Variants in PDCD6IP observed in about 807,000 individuals in gnomAD.
The protein encoded by PDCD6IP is programmed cell death 6 interacting protein.
PDCD6IP carries 43 observed loss-of-function variants against 103.7 expected under a neutral mutation model. That is an observed-to-expected ratio of 0.41 (90% CI 0.32 to 0.53). The LOEUF is 0.53. Ranked by LOEUF, PDCD6IP falls within the 20% of genes least tolerant of loss-of-function variation. The probability of loss-of-function intolerance (pLI) is 0.16; values close to 1 mark genes in which losing one functional copy is unlikely to be tolerated. For synonymous variants in PDCD6IP, 354 were observed against 378.7 expected (o/e 0.93, Z 0.76); for missense variants, 871 against 1,036.7 (o/e 0.84, Z 2.20).
At chr3:33,799,878 T>C (rs1178986921) in intron 1 of PDCD6IP, among the ~76,000 whole-genome samples, 1 of 151,936 alleles carries the variant, frequency 6.6e-6, no homozygotes, top group Non-Finnish European at 1.5e-5. Context: ...CCCAGCACTT[T>C]GGGAGGCCGA....
At chr3:33,863,174 CAT>C (rs752978725) in intron 15 of PDCD6IP, among the ~76,000 whole-genome samples, 27 of 152,050 alleles carry the variant, frequency 1.8e-4, no homozygotes, top group Middle Eastern at 3.2e-3. Context: ...ATATTCATCA[CAT>C]ATTTGTGGGG....
rs1247614149 is a variant in PDCD6IP at position 33,869,536 on chromosome 3, A to G, written c.*3011A>G. ...TGGTATGAAGTTTATATTTTTTAAA[A>G]AAATCCTATATTATCACACCAGAGA... On this transcript the variant is annotated 3_prime_UTR_variant, in exon 18 of 18. Coordinates refer to ENST00000307296, the MANE Select transcript of PDCD6IP (RefSeq NM_013374.6). 1 of 152,234 alleles carries G rather than the reference A, an allele frequency of 6.6e-6. No homozygotes were observed. Among genetic ancestry groups the G allele is most frequent in the Non-Finnish European group, 1.5e-5 (1 of 68,046 alleles). The allele number at this position is 152,234 out of a possible 1,614,324, so 9.4% of individuals were successfully genotyped here.
chr3:33,824,785 A>G (rs533059674), intron 4 of PDCD6IP, among the ~76,000 whole-genome samples: 12 of 152,188 alleles, frequency 7.9e-5, no homozygotes, highest in Non-Finnish European at 1.3e-4. Flanking sequence ...GGTGTCCCCT[A>G]ACTACGGCAT....
At chr3:33,845,717 T>C (rs1308152507) in intron 12 of PDCD6IP, 129 bp downstream of exon 12, 1 of 648,084 alleles carries the variant, frequency 1.5e-6, no homozygotes, top group African/African-American at 1.8e-5. Flanking sequence ...GGGGTTGTTA[T>C]ATTTAAAGTA....
At chr3:33,815,788 T>C (rs549503252) in intron 3 of PDCD6IP, among the ~76,000 whole-genome samples, 34 of 152,362 alleles carry the variant, frequency 2.2e-4, no homozygotes, top group Admixed American at 2.0e-4. Context: ...TTCTGTGTTA[T>C]GTCTGGGTAG....
chr3:33,812,036 A>G, intron 1 of PDCD6IP, 36 bp from the exon 2 acceptor site: 2 of 1,569,774 alleles, frequency 1.3e-6, no homozygotes, highest in Non-Finnish European at 1.7e-6. Context: ...TGTAATATTT[A>G]GCTCTGGTAA....
intron 4 of PDCD6IP, among the ~76,000 whole-genome samples, chr3:33,822,742 G>A (rs557872305): frequency 5.9e-5 from 9 of 152,190 alleles, no homozygotes; most frequent in African/African-American, 2.2e-4. Context: ...TGCAAGCTCC[G>A]CCTCCTGGGT....
At chr3:33,865,144 G>A in intron 16 of PDCD6IP, 99 bp from the exon 17 acceptor site, 5 of 712,806 alleles carry the variant, frequency 7.0e-6, no homozygotes, top group Non-Finnish European at 1.1e-5. Context: ...ATATTTGGTT[G>A]GATTCTAGAG....
At chr3:33,866,324 C>G (rs1698063254) in intron 17 of PDCD6IP, 27 bp from the exon 18 acceptor site, 1 of 1,366,492 alleles carries the variant, frequency 7.3e-7, no homozygotes, top group South Asian at 1.6e-5. Flanking sequence ...ATTTACCAAT[C>G]AAGATTTTTC....
intron 15 of PDCD6IP, among the ~76,000 whole-genome samples, chr3:33,861,931 T>TG (rs1253745036): frequency 6.6e-6 from 1 of 152,206 alleles, no homozygotes; most frequent in Non-Finnish European, 1.5e-5. Context: ...TGAATACTAC[T>TG]GTCAGGTTGT....
chr3:33,825,343 A>G lies in PDCD6IP; in HGVS notation c.616+3A>G. 6.3e-7 allele frequency: 1 copy of G among 1,588,222 alleles called. No homozygotes were observed. The highest frequency in any genetic ancestry group is 8.5e-7 in the Non-Finnish European group (1 of 1,173,372). ...ATTTTTTTTAAAAGCCACAAGAGGTAACTCCAATTTATCTTTTTGTTGCAT... is the reference window on the plus strand; with the variant it reads ...ATTTTTTTTAAAAGCCACAAGAGGTGACTCCAATTTATCTTTTTGTTGCAT... On this transcript the variant is annotated splice_donor_region_variant and intron_variant, in intron 5 of 17. Transcript: ENST00000307296.
At chr3:33,801,261 T>C (rs1696470474) in intron 1 of PDCD6IP, among the ~76,000 whole-genome samples, 1 of 152,222 alleles carries the variant, frequency 6.6e-6, no homozygotes, top group Non-Finnish European at 1.5e-5. Flanking sequence ...ATAATTATGT[T>C]TGGATAATTG....
chr3:33,869,684 T>TA lies in PDCD6IP; in HGVS notation c.*3163dup, dbSNP rs1698144774. The TA allele has an allele frequency of 6.6e-6, 1 of 152,178 alleles. No homozygotes were observed. Among genetic ancestry groups the TA allele is most frequent in the Non-Finnish European group, 1.5e-5 (1 of 68,008 alleles). 9.4% of individuals were successfully genotyped at this position (152,178 alleles called of 1,614,324 possible). On this transcript the variant is annotated 3_prime_UTR_variant, in exon 18 of 18. Coordinates refer to ENST00000307296, the MANE Select transcript of PDCD6IP (RefSeq NM_013374.6). ...GGTCCAGATGAATGTATGCTAGAAA[T>TA]AAAAGTTGAAAGATTCTTACTTCTT...
chr3:33,805,936 G>A (rs988548998), intron 1 of PDCD6IP, among the ~76,000 whole-genome samples: 2 of 151,600 alleles, frequency 1.3e-5, no homozygotes, highest in Admixed American at 6.6e-5. Context: ...TAGTAGAGAC[G>A]GGGTTTCACC....
At chr3:33,824,953 T>A (rs944934625) in intron 4 of PDCD6IP, among the ~76,000 whole-genome samples, 7 of 152,220 alleles carry the variant, frequency 4.6e-5, no homozygotes, top group Non-Finnish European at 1.0e-4. Context: ...GTTTACTTTG[T>A]TTTTCCTTGT....
intron 4 of PDCD6IP, among the ~76,000 whole-genome samples, chr3:33,824,418 CA>C (rs1259544241): frequency 6.6e-6 from 1 of 151,976 alleles, no homozygotes; most frequent in Non-Finnish European, 1.5e-5. Context: ...CCATCATGCC[CA>C]GCTAATTTTT....
At chr3:33,852,401 A>G (rs573671477) in intron 12 of PDCD6IP, 87 bp from the exon 13 acceptor site, 280 of 1,443,580 alleles carry the variant, frequency 1.9e-4, no homozygotes, top group Middle Eastern at 1.9e-3. Flanking sequence ...CTCAGCCCGA[A>G]TGAACCTTTA....
In PDCD6IP at chr3:33,836,193, T is replaced by A; in HGVS notation, c.984T>A (p.Asp328Glu). ...ATGATCGAGTTCCAGACCTTAAAGATCTAGATCCTATTGGCAAAGCCACAC... is the reference window on the plus strand; with the variant it reads ...ATGATCGAGTTCCAGACCTTAAAGAACTAGATCCTATTGGCAAAGCCACAC... ...IYHDRVPDLK[D>E]LDPIGKATLV... The change falls in exon 8 of 18, where the codon GAT becomes GAA. Residue 328 changes from aspartate to glutamate, a missense_variant. This residue lies in a region of PDCD6IP where 242 missense variants were observed against 250.7 expected (regional missense o/e 0.97). Coordinates refer to ENST00000307296, the MANE Select transcript of PDCD6IP (RefSeq NM_013374.6). 6.2e-7 allele frequency: 1 copy of A among 1,613,728 alleles called. No homozygotes were observed. The highest frequency in any genetic ancestry group is 8.5e-7 in the Non-Finnish European group (1 of 1,179,634).
Position 33,798,631 on chromosome 3 carries a change from G to A in PDCD6IP, c.-98G>A. On this transcript the variant is annotated 5_prime_UTR_variant, in exon 1 of 18. Coordinates refer to ENST00000307296, the MANE Select transcript of PDCD6IP (RefSeq NM_013374.6). ...AGGCGGAGCGCAAGTCTGTCAGCCA[G>A]TCAGTCCGCCAGTCCGCCAGCCCAG... The A allele has an allele frequency of 1.7e-6, 2 of 1,196,094 alleles. No homozygotes were observed. The highest frequency in any genetic ancestry group is 2.3e-6 in the Non-Finnish European group (2 of 875,094). 74.1% of individuals were successfully genotyped at this position (1,196,094 alleles called of 1,614,324 possible).
Sources: gnomAD v4.1 joint callset for allele counts (sites outside exome capture counted in the v4.1 genomes callset) on GRCh38, gnomAD v4.1.1 for gene constraint, gnomAD v4.1.1 regional missense constraint, MANE v1.5 for transcripts, NCBI Gene and HGNC (gene_info 2026-07-23, HGNC 2026-07-21) for gene names.